The following SOBP variants were observed in gnomAD, a reference collection of about 807,000 sequenced individuals.
SOBP encodes the protein sine oculis binding protein homolog.
In SOBP, 4 loss-of-function variants were observed where a neutral mutation model predicts 53.6. The observed-to-expected ratio is 0.07, with a 90% CI of 0.04 to 0.17. SOBP has a LOEUF of 0.17. Among genes scored for constraint, SOBP ranks in the 10% least tolerant of loss-of-function variants. SOBP has a pLI of 1.00. For missense variants in SOBP, 1,088 were observed against 1,204.7 expected, an observed-to-expected ratio of 0.90 and a Z score of 1.43; for synonymous variants, 584 against 522.6, an observed-to-expected ratio of 1.12 and a Z score of -1.60.
intron 5 of SOBP, among the ~76,000 whole-genome samples, chr6:107,626,630 A>G (rs1770472618): frequency 6.6e-6 from 1 of 152,202 alleles, no homozygotes; most frequent in South Asian, 2.1e-4. Context: ...TCACTTTTCA[A>G]TGAGTAAACT....
intron 5 of SOBP, among the ~76,000 whole-genome samples, chr6:107,607,209 C>T (rs778650368): frequency 6.6e-6 from 1 of 152,184 alleles, no homozygotes; most frequent in Non-Finnish European, 1.5e-5. Flanking sequence ...TCCCAGTCTG[C>T]CTTACATACC....
intron 6 of SOBP, among the ~76,000 whole-genome samples, chr6:107,649,323 A>C (rs1771701717): frequency 6.6e-6 from 1 of 151,994 alleles, no homozygotes; most frequent in Non-Finnish European, 1.5e-5. Flanking sequence ...TTCTACAAAA[A>C]ATCAGAAAAA....
rs186323383 is a variant in SOBP at position 107,572,153 on chromosome 6, G to T, written c.574-14927G>T. On this transcript the variant is annotated intron_variant, in intron 4 of 6. Coordinates refer to ENST00000317357, the MANE Select transcript of SOBP (RefSeq NM_018013.4). ...GAGATGATGTTTCAGAAAGATAAGG[G>T]TGGACACATTTAAACAAAACCAAAC... Among the ~76,000 whole-genome samples, 61 of 152,244 alleles carry T rather than the reference G, an allele frequency of 4.0e-4. No homozygotes were observed. The East Asian group carries it at 9.8e-3, about 25-fold the overall frequency.
intron 5 of SOBP, among the ~76,000 whole-genome samples, chr6:107,613,077 C>G (rs948650138): frequency 3.3e-5 from 5 of 152,190 alleles, no homozygotes; most frequent in African/African-American, 1.2e-4. Flanking sequence ...AGCAGTCTGT[C>G]TTTTAACAAG....
chr6:107,604,561 T>G (rs1583262408), intron 5 of SOBP, among the ~76,000 whole-genome samples: 1 of 57,988 alleles, frequency 1.7e-5, no homozygotes, highest in African/African-American at 6.9e-5. Flanking sequence ...CTACCCCACC[T>G]CTACCCACAT....
At chr6:107,586,934 G>C in intron 4 of SOBP, 146 bp from the exon 5 acceptor site, 1 of 720,348 alleles carries the variant, frequency 1.4e-6, no homozygotes, top group Non-Finnish European at 2.5e-6. Flanking sequence ...ATACCTAAAA[G>C]GCGTACTGCG....
At chr6:107,492,518 G>C (rs2127141) in intron 1 of SOBP, among the ~76,000 whole-genome samples, 28,329 of 152,094 alleles carry the variant, frequency 0.19, 3,141 homozygotes, top group East Asian at 0.39. Context: ...CGATGCTTGG[G>C]GCTCGCGTTG....
intron 4 of SOBP, among the ~76,000 whole-genome samples, chr6:107,583,441 A>G (rs9486650): frequency 6.6e-6 from 1 of 152,134 alleles, no homozygotes; most frequent in Non-Finnish European, 1.5e-5. Context: ...TTCTTCCAAG[A>G]TTATTGGTCA....
chr6:107,575,999 C>T (rs528884437), intron 4 of SOBP, among the ~76,000 whole-genome samples: 3 of 152,192 alleles, frequency 2.0e-5, no homozygotes, highest in Non-Finnish European at 4.4e-5. Context: ...ATTTATGAAG[C>T]CTCTTCACCT....
At chr6:107,529,553 A>G (rs1783760421) in intron 3 of SOBP, 2 of 985,456 alleles carry the variant, frequency 2.0e-6, no homozygotes, top group South Asian at 4.7e-5. Flanking sequence ...TGGTAAATCT[A>G]CAGTTTAATT....
chr6:107,561,948 AAG>A (rs1165746670), intron 4 of SOBP, among the ~76,000 whole-genome samples: 1 of 152,000 alleles, frequency 6.6e-6, no homozygotes, highest in Non-Finnish European at 1.5e-5. Flanking sequence ...TGGTGTTCAA[AAG>A]AGATGACAAA....
At position 107,548,485 on chromosome 6, in the gene SOBP, G is replaced by A. The variant is rs142013576; in HGVS notation, c.573+14875G>A. 4.7e-3 allele frequency among the ~76,000 whole-genome samples: 710 copies of A among 152,124 alleles called. 9 individuals are homozygous for A. The highest frequency in any genetic ancestry group is 0.016 in the African/African-American group (672 of 41,530). On this transcript the variant is annotated intron_variant, in intron 4 of 6. Transcript: ENST00000317357. ...TCTCCATCTCCTGACCTCGTGATGC[G>A]CCCGCCTTGGCCTCCCAAAGTGCTG...
At chr6:107,492,546 C>T (rs1367660914) in intron 1 of SOBP, among the ~76,000 whole-genome samples, 1 of 152,110 alleles carries the variant, frequency 6.6e-6, no homozygotes, top group Non-Finnish European at 1.5e-5. Context: ...TGGCTGCAGG[C>T]GCAGTCCGTG....
At chr6:107,521,884 G>A (rs560443085) in intron 3 of SOBP, among the ~76,000 whole-genome samples, 1 of 150,298 alleles carries the variant, frequency 6.7e-6, no homozygotes, top group South Asian at 2.1e-4. Context: ...CTGGCTCATA[G>A]TCTGGTGGAA....
intron 6 of SOBP, among the ~76,000 whole-genome samples, chr6:107,646,708 CCTCTT>C (rs1562125679): frequency 6.6e-6 from 1 of 152,182 alleles, no homozygotes; most frequent in African/African-American, 2.4e-5. Flanking sequence ...TTGGATATGT[CCTCTT>C]CTCTTTTTTG....
intron 1 of SOBP, among the ~76,000 whole-genome samples, chr6:107,500,162 C>T (rs1782800333): frequency 6.6e-6 from 1 of 152,040 alleles, no homozygotes; most frequent in Non-Finnish European, 1.5e-5. Context: ...GAGGCCGAAG[C>T]AGGTGGATCA....
chr6:107,633,868 G>C lies in SOBP; in HGVS notation c.1024G>C (p.Val342Leu). Reference sequence around the variant, plus strand: ...TCCATCTGACACTGCCAACTGCTCTGTCACTAAAATCCCCACGCCAGTGCC... The same window carrying C: ...TCCATCTGACACTGCCAACTGCTCTCTCACTAAAATCCCCACGCCAGTGCC... ...VSPSDTANCS[V>L]TKIPTPVPKS... Residue 342 changes from valine (V) to leucine (L), a missense_variant, in exon 6 of 7, where the codon GTC (valine) becomes CTC (leucine). Val to Leu is a conservative substitution (Grantham distance 32). This residue lies in a region of SOBP where 211 missense variants were observed against 258.9 expected (regional missense o/e 0.82). Coordinates refer to ENST00000317357, the MANE Select transcript of SOBP (RefSeq NM_018013.4). 6.2e-7 allele frequency: 1 copy of C among 1,614,118 alleles called. No individual in the cohort carries two copies. The highest frequency in any genetic ancestry group is 8.5e-7 in the Non-Finnish European group (1 of 1,180,018).
chr6:107,549,268 AAAAC>A (rs368265394), intron 4 of SOBP, among the ~76,000 whole-genome samples: 439 of 152,218 alleles, frequency 2.9e-3, no homozygotes, highest in South Asian at 5.0e-3. Flanking sequence ...CTTCATCTCA[AAAAC>A]AAACAAACAA....
At chr6:107,649,583 C>T (rs138946030) in intron 6 of SOBP, among the ~76,000 whole-genome samples, 70 of 151,812 alleles carry the variant, frequency 4.6e-4, no homozygotes, top group African/African-American at 1.5e-3. Flanking sequence ...AAATTTCCTG[C>T]AGAACAGCTC....
Sources: allele counts gnomAD v4.1 joint callset (sites outside exome capture counted in the v4.1 genomes callset), GRCh38; gene constraint gnomAD v4.1.1; regional missense constraint gnomAD v4.1.1; transcripts MANE v1.5; gene names NCBI Gene and HGNC (gene_info 2026-07-23, HGNC 2026-07-21).